ARID2: variants seen among roughly 807,000 people sequenced by gnomAD.
ARID2 encodes AT-rich interactive domain-containing protein 2.
ARID2 carries 32 observed loss-of-function variants against 184.6 expected under a neutral mutation model. The ratio of observed to expected loss-of-function variants is 0.17; its 90% CI spans 0.13 to 0.23. The LOEUF is 0.23. Ranked by LOEUF, ARID2 falls within the 10% of genes least tolerant of loss-of-function variation. ARID2 has a pLI of 1.00. For synonymous variants in ARID2, 836 were observed against 772.6 expected (o/e 1.08, Z -1.36); for missense variants, 1,696 against 2,197.6 (o/e 0.77, Z 4.56).
chr12:45,882,774 C>T (rs1329750110), intron 16 of ARID2, among the ~76,000 whole-genome samples: 1 of 152,142 alleles, frequency 6.6e-6, no homozygotes, highest in Admixed American at 6.5e-5. Context: ...CATCATTTGT[C>T]TCAATTTTGT....
intron 3 of ARID2, among the ~76,000 whole-genome samples, chr12:45,771,219 G>A (rs537470491): frequency 3.9e-5 from 6 of 152,246 alleles, no homozygotes; most frequent in East Asian, 1.9e-4. Flanking sequence ...TTACCCGGGC[G>A]TGGTGGCTCA....
At chr12:45,885,458 T>G in intron 16 of ARID2, among the ~76,000 whole-genome samples, 1 of 151,974 alleles carries the variant, frequency 6.6e-6, no homozygotes, top group East Asian at 1.9e-4. Flanking sequence ...CAGGTGAGTT[T>G]GTTTGTTTGT....
intron 3 of ARID2, among the ~76,000 whole-genome samples, chr12:45,735,821 G>C (rs1249564444): frequency 6.6e-6 from 1 of 152,118 alleles, no homozygotes. Context: ...GAAATAAATT[G>C]AGTTCTTTCT....
intron 12 of ARID2, 85 bp from the exon 13 acceptor site, chr12:45,848,751 C>T: frequency 8.4e-7 from 1 of 1,187,264 alleles, no homozygotes; most frequent in Non-Finnish European, 1.1e-6. Flanking sequence ...AGTTTTAACA[C>T]ATTGCCTCCA....
At chr12:45,745,801 G>A (rs1287831442) in intron 3 of ARID2, among the ~76,000 whole-genome samples, 1 of 152,062 alleles carries the variant, frequency 6.6e-6, no homozygotes, top group African/African-American at 2.4e-5. Flanking sequence ...TGCCCGCCTT[G>A]GCCTCCCAAA....
At chr12:45,752,546 G>A (rs1307857218) in intron 3 of ARID2, among the ~76,000 whole-genome samples, 1 of 152,238 alleles carries the variant, frequency 6.6e-6, no homozygotes, top group African/African-American at 2.4e-5. Context: ...TTAAGAGACA[G>A]GGTCTGGCTC....
At chr12:45,829,131 A>G (rs2138111618) in intron 6 of ARID2, among the ~76,000 whole-genome samples, 1 of 152,134 alleles carries the variant, frequency 6.6e-6, no homozygotes, top group Admixed American at 6.5e-5. Context: ...ATGGATACCC[A>G]CTTGAACCTA....
intron 3 of ARID2, among the ~76,000 whole-genome samples, chr12:45,758,305 T>G (rs1941608476): frequency 6.6e-6 from 1 of 152,190 alleles, no homozygotes; most frequent in Non-Finnish European, 1.5e-5. Context: ...TGCAGCCCCG[T>G]GGGCTGTATG....
rs75341266 is a variant in ARID2 at position 45,874,913 on chromosome 12, T to C, written c.4922+13964T>C. Among the ~76,000 whole-genome samples the C allele has an allele frequency of 9.3e-3, 1,418 of 152,256 alleles. 22 individuals are homozygous for C. Among genetic ancestry groups the C allele is most frequent in the South Asian group, 0.068 (326 of 4,824 alleles). ...CCAAAGCAGGAAGATGGCTTGAACC[T>C]AGGAGTTCAAGATGAGGCTGGCAAT... On this transcript the variant is annotated intron_variant, in intron 16 of 20. Transcript: ENST00000334344.
chr12:45,867,470 C>T (rs1239818155), intron 16 of ARID2, among the ~76,000 whole-genome samples: 1 of 151,582 alleles, frequency 6.6e-6, no homozygotes, highest in African/African-American at 2.4e-5. Context: ...TGGCCGGGCG[C>T]AGTGGCTCAT....
Position 45,809,173 on chromosome 12 carries a change from A to G in ARID2, c.285-2245A>G, listed in dbSNP as rs79406156. 2.5e-3 allele frequency among the ~76,000 whole-genome samples: 388 copies of G among 152,330 alleles called. 2 individuals carry two copies. The highest frequency in any genetic ancestry group is 8.8e-3 in the African/African-American group (365 of 41,570). On this transcript the variant is annotated intron_variant, in intron 3 of 20. Coordinates refer to ENST00000334344, the MANE Select transcript of ARID2 (RefSeq NM_152641.4). Reference sequence around the variant, plus strand: ...TCATTGTTATTTTGATTAGATAACAATTATTTTATAAAGATTATTTATCTG... The same window carrying G: ...TCATTGTTATTTTGATTAGATAACAGTTATTTTATAAAGATTATTTATCTG...
At chr12:45,750,009 A>G (rs1941430581) in intron 3 of ARID2, among the ~76,000 whole-genome samples, 1 of 152,194 alleles carries the variant, frequency 6.6e-6, no homozygotes, top group African/African-American at 2.4e-5. Context: ...TTTTCTTCAA[A>G]ACTTTCCTTT....
At chr12:45,770,132 A>G (rs1941841574) in intron 3 of ARID2, among the ~76,000 whole-genome samples, 1 of 152,044 alleles carries the variant, frequency 6.6e-6, no homozygotes, top group Non-Finnish European at 1.5e-5. Context: ...GGGCGCCTGT[A>G]GTCCCAGCTA....
intron 3 of ARID2, among the ~76,000 whole-genome samples, chr12:45,793,298 TAA>T (rs76878100): frequency 1.4e-5 from 2 of 147,328 alleles, no homozygotes; most frequent in South Asian, 4.3e-4. Flanking sequence ...GAACCTCCAT[TAA>T]AAAAAAAAGA....
At chr12:45,867,600 G>A (rs1050758659) in intron 16 of ARID2, among the ~76,000 whole-genome samples, 2 of 151,628 alleles carry the variant, frequency 1.3e-5, no homozygotes, top group Non-Finnish European at 2.9e-5. Context: ...AAAATTAGCC[G>A]GGCATGGTGG....
intron 3 of ARID2, among the ~76,000 whole-genome samples, chr12:45,756,733 G>T (rs1208151864): frequency 1.3e-5 from 2 of 152,186 alleles, no homozygotes; most frequent in African/African-American, 4.8e-5. Flanking sequence ...TTGGCAGGCT[G>T]AGGCGGGAGG....
rs371091017 is a variant in ARID2 at position 45,852,035 on chromosome 12, A to T, written c.3912A>T (p.Leu1304=). 6.2e-7 allele frequency: 1 copy of T among 1,613,942 alleles called. No individual in the cohort carries two copies. The highest frequency in any genetic ancestry group is 2.2e-5 in the East Asian group (1 of 44,860). Residue 1304 remains leucine, a synonymous_variant, in exon 15 of 21, where the codon CTA becomes CTT. Coordinates refer to ENST00000334344, the MANE Select transcript of ARID2 (RefSeq NM_152641.4). ...GGAGAAAGTACAGTGACTCAAGTCT[A>T]CCTCCTTCAAACTCAGGGAAAATTC... is the stretch of plus-strand genomic sequence containing the variant. ...LNGRKYSDSS[L]PPSNSGKIQS...
chr12:45,738,698 C>T (rs545979398), intron 3 of ARID2, among the ~76,000 whole-genome samples: 32 of 134,406 alleles, frequency 2.4e-4, no homozygotes, highest in African/African-American at 9.3e-4. Context: ...GAAAAATATT[C>T]TTTCTTTTTT....
intron 16 of ARID2, among the ~76,000 whole-genome samples, chr12:45,870,182 G>C (rs1291981487): frequency 2.0e-5 from 3 of 151,942 alleles, no homozygotes; most frequent in African/African-American, 7.3e-5. Flanking sequence ...AGAGAACGGG[G>C]CTTCACTGTG....
Sources: allele counts gnomAD v4.1 joint callset (sites outside exome capture counted in the v4.1 genomes callset), GRCh38; gene constraint gnomAD v4.1.1; transcripts MANE v1.5; gene names NCBI Gene and HGNC (gene_info 2026-07-23, HGNC 2026-07-21).